The following GABRA3 variants were observed in gnomAD, a reference collection of about 807,000 sequenced individuals.
GABRA3 encodes gamma-aminobutyric acid receptor subunit alpha-3.
In GABRA3, 10 loss-of-function variants were observed where a neutral mutation model predicts 30.1. The ratio of observed to expected loss-of-function variants is 0.33; its 90% confidence interval spans 0.20 to 0.56. GABRA3 has a LOEUF of 0.56. GABRA3 is among the 20% of genes least tolerant of loss of function. The pLI is 0.89. For missense variants in GABRA3, 233 were observed against 392.0 expected, an observed-to-expected ratio of 0.59 and a Z score of 3.42; for synonymous variants, 151 against 146.8, an observed-to-expected ratio of 1.03 and a Z score of -0.21.
chrX:152,334,480 C>T (rs756779232), intron 3 of GABRA3, among the ~76,000 whole-genome samples: 165 of 112,030 alleles, frequency 1.5e-3, no homozygotes, highest in African/African-American at 5.2e-3. Context: ...AAAAAAGCTA[C>T]TAGAAGTTTC....
chrX:152,364,214 T>A (rs962561868), intron 2 of GABRA3, among the ~76,000 whole-genome samples: 19 of 111,358 alleles, frequency 1.7e-4, no homozygotes, highest in African/African-American at 5.9e-4. Flanking sequence ...CAGAGGTGAT[T>A]CAAGCCTGGG....
chrX:152,227,555 TA>T lies in GABRA3; in HGVS notation c.552-2711del, dbSNP rs1036966856. Among the ~76,000 whole-genome samples, 112 of 105,630 alleles carry T rather than the reference TA, an allele frequency of 1.1e-3. 1 individual carries two copies. The highest frequency in any genetic ancestry group is 3.5e-3 in the African/African-American group (101 of 29,247). 91.7% of individuals were successfully genotyped at this position (105,630 alleles called of 115,157 possible). A position where few individuals can be genotyped will look rare whatever the true frequency, so the allele number is the denominator to read the frequency against. On this transcript the variant is annotated intron_variant, in intron 5 of 9. Transcript: ENST00000370314. ...AATGATAATAAATATATATATATAT[TA>T]AAAAAAGTTAAATTGTATAAACTCA...
At chrX:152,311,078 T>C (rs1939792048) in intron 3 of GABRA3, among the ~76,000 whole-genome samples, 1 of 111,017 alleles carries the variant, frequency 9.0e-6, no homozygotes, top group Non-Finnish European at 1.9e-5. Context: ...AAATACCTAC[T>C]AACCAGAAAA....
At chrX:152,418,509 G>A (rs1028960239) in intron 1 of GABRA3, among the ~76,000 whole-genome samples, 2 of 111,143 alleles carry the variant, frequency 1.8e-5, no homozygotes, top group Non-Finnish European at 1.9e-5. Context: ...AAAATTTCTG[G>A]GATACAACAG....
intron 5 of GABRA3, among the ~76,000 whole-genome samples, chrX:152,248,273 G>A (rs1273484657): frequency 1.8e-5 from 2 of 110,794 alleles, no homozygotes; most frequent in Non-Finnish European, 3.8e-5. Flanking sequence ...CATTTTCTTG[G>A]TAATGTTTCT....
At chrX:152,244,279 G>A (rs1028770960) in intron 5 of GABRA3, among the ~76,000 whole-genome samples, 1 of 111,900 alleles carries the variant, frequency 8.9e-6, no homozygotes, top group Non-Finnish European at 1.9e-5. Context: ...AGTGCCTGCT[G>A]TGGTCTGAAT....
At chrX:152,170,121 T>C (rs1936984919) in intron 9 of GABRA3, among the ~76,000 whole-genome samples, 1 of 112,095 alleles carries the variant, frequency 8.9e-6, no homozygotes, top group South Asian at 3.7e-4. Flanking sequence ...AGAAAGCCTT[T>C]TAAGCACACG....
chrX:152,297,733 T>A (rs1291926645), intron 3 of GABRA3, among the ~76,000 whole-genome samples: 1 of 112,122 alleles, frequency 8.9e-6, no homozygotes. Flanking sequence ...TTTCAAAAAA[T>A]ATTCTATAAT....
chrX:152,178,553 G>A (rs1262605502), intron 9 of GABRA3, among the ~76,000 whole-genome samples: 1 of 111,521 alleles, frequency 9.0e-6, no homozygotes, highest in Non-Finnish European at 1.9e-5. Context: ...TTTTATTCTA[G>A]AGCATTTGAA....
chrX:152,248,870 G>A (rs1050823819), intron 5 of GABRA3, among the ~76,000 whole-genome samples: 1 of 111,603 alleles, frequency 9.0e-6, no homozygotes, highest in African/African-American at 3.2e-5. Flanking sequence ...ATGCATTTGC[G>A]AATTAGCTAG....
At chrX:152,429,536 G>A (rs181439190) in intron 1 of GABRA3, among the ~76,000 whole-genome samples, 39 of 111,473 alleles carry the variant, frequency 3.5e-4, no homozygotes, top group African/African-American at 1.0e-3. Flanking sequence ...GCCAAATCAC[G>A]CCTTCCCACC....
At chrX:152,293,905 T>C (rs912376080) in intron 3 of GABRA3, among the ~76,000 whole-genome samples, 1 of 111,817 alleles carries the variant, frequency 8.9e-6, no homozygotes, top group Non-Finnish European at 1.9e-5. Flanking sequence ...TGGCTGGATA[T>C]GACATTCTGG....
intron 3 of GABRA3, among the ~76,000 whole-genome samples, chrX:152,323,463 C>T (rs779965276): frequency 1.4e-4 from 16 of 110,910 alleles, no homozygotes; most frequent in South Asian, 3.8e-4. Flanking sequence ...ACTTTCCCAG[C>T]AATGTTTTGA....
At chrX:152,303,891 T>A (rs1939678883) in intron 3 of GABRA3, among the ~76,000 whole-genome samples, 1 of 111,188 alleles carries the variant, frequency 9.0e-6, no homozygotes, top group Non-Finnish European at 1.9e-5. Flanking sequence ...GACGGGTTGA[T>A]AAGTGCAGCA....
intron 2 of GABRA3, among the ~76,000 whole-genome samples, chrX:152,354,752 T>C (rs750730142): frequency 3.6e-5 from 4 of 111,439 alleles, no homozygotes; most frequent in Non-Finnish European, 7.5e-5. Flanking sequence ...ACTGCAGAGA[T>C]TCAAACTGGT....
chrX:152,444,328 T>C (rs1931009809), intron 1 of GABRA3, among the ~76,000 whole-genome samples: 1 of 111,437 alleles, frequency 9.0e-6, no homozygotes, highest in South Asian at 3.8e-4. Context: ...ACTAGCAATA[T>C]ATAGACTGAA....
intron 3 of GABRA3, among the ~76,000 whole-genome samples, chrX:152,324,166 C>G (rs1425832732): frequency 8.9e-6 from 1 of 111,831 alleles, no homozygotes; most frequent in East Asian, 2.8e-4. Context: ...ATCCCAATGC[C>G]AAAAAGAATG....
intron 3 of GABRA3, among the ~76,000 whole-genome samples, chrX:152,296,550 AC>A (rs1939531438): frequency 9.0e-6 from 1 of 111,583 alleles, no homozygotes; most frequent in African/African-American, 3.3e-5. Flanking sequence ...ACTCATGCCC[AC>A]TTTTGCAGGC....
intron 1 of GABRA3, among the ~76,000 whole-genome samples, chrX:152,417,835 T>C (rs1930271086): frequency 1.1e-5 from 1 of 87,685 alleles, no homozygotes; most frequent in South Asian, 7.0e-4. Flanking sequence ...TGAGATCACA[T>C]GGACACAGGA....
Sources: gnomAD v4.1 joint callset for allele counts (sites outside exome capture counted in the v4.1 genomes callset) on GRCh38, gnomAD v4.1.1 for gene constraint, MANE v1.5 for transcripts, NCBI Gene and HGNC (gene_info 2026-07-23, HGNC 2026-07-21) for gene names.